The following ACTR3B variants were observed in gnomAD, a reference collection of about 807,000 sequenced individuals.
ACTR3B encodes actin-related protein 3B.
In ACTR3B, 8 loss-of-function variants were observed where a neutral mutation model predicts 59.0. The observed-to-expected ratio is 0.14, with a 90% CI of 0.08 to 0.24. The LOEUF is 0.24. Among genes scored for constraint, ACTR3B ranks in the 10% least tolerant of loss-of-function variants. The probability of loss-of-function intolerance (pLI) is 1.00; values close to 1 mark genes in which losing one functional copy is unlikely to be tolerated. For synonymous variants in ACTR3B, 148 were observed against 197.9 expected, an observed-to-expected ratio of 0.75 and a Z score of 2.12; for missense variants, 245 against 552.3, an observed-to-expected ratio of 0.44 and a Z score of 5.58.
chr7:152,768,701 C>G (rs1177156993), intron 1 of ACTR3B, among the ~76,000 whole-genome samples: 33 of 152,026 alleles, frequency 2.2e-4, no homozygotes, highest in Non-Finnish European at 4.0e-4. Context: ...GTCTCGAACC[C>G]CTGACCTCAG....
intron 1 of ACTR3B, among the ~76,000 whole-genome samples, chr7:152,764,356 G>A (rs1249398800): frequency 3.3e-5 from 5 of 152,024 alleles, no homozygotes; most frequent in Non-Finnish European, 7.4e-5. Context: ...CTGGCCAGGC[G>A]CAGTGGCTCA....
intron 9 of ACTR3B, among the ~76,000 whole-genome samples, chr7:152,830,774 C>CTTA (rs1366315426): frequency 6.6e-6 from 1 of 152,062 alleles, no homozygotes; most frequent in Admixed American, 6.5e-5. Context: ...TGGTCTTAAA[C>CTTA]GCCTGGCCTC....
At chr7:152,851,573 C>G (rs1798807512) in intron 9 of ACTR3B, among the ~76,000 whole-genome samples, 1 of 152,158 alleles carries the variant, frequency 6.6e-6, no homozygotes, top group Non-Finnish European at 1.5e-5. Flanking sequence ...CGAGTGCTTC[C>G]CCTTCCTCAG....
chr7:152,809,091 G>A (rs904847758), intron 4 of ACTR3B, among the ~76,000 whole-genome samples: 3 of 151,392 alleles, frequency 2.0e-5, no homozygotes, highest in Admixed American at 6.6e-5. Context: ...TCCTCAGCCC[G>A]AGTAGGCGCA....
intron 1 of ACTR3B, among the ~76,000 whole-genome samples, chr7:152,774,813 G>T (rs2098132614): frequency 2.0e-5 from 3 of 152,074 alleles, no homozygotes; most frequent in Admixed American, 1.3e-4. Flanking sequence ...AAGCCAAGGA[G>T]CATTAAAAAA....
chr7:152,853,591 TC>T lies in ACTR3B; in HGVS notation c.1161+15del. On this transcript the variant is annotated intron_variant, in intron 11 of 11. Coordinates refer to ENST00000256001, the MANE Select transcript of ACTR3B (RefSeq NM_020445.6). ...CTGGCCTCGACTGTAAGTCCCTCTC[TC>T]GAGGGCTCTGTGTCTCCATTCCTGT... 1 of 1,608,484 alleles carries T rather than the reference TC, an allele frequency of 6.2e-7. No individual in the cohort carries two copies. Among genetic ancestry groups the T allele is most frequent in the African/African-American group, 1.3e-5 (1 of 74,900 alleles).
At chr7:152,786,455 A>C (rs1412811407) in intron 2 of ACTR3B, 3 of 194,430 alleles carry the variant, frequency 1.5e-5, no homozygotes, top group South Asian at 1.2e-4. Context: ...CGTGAGGCTG[A>C]GGCAGGAGAC....
At chr7:152,830,593 C>T (rs999339782) in intron 9 of ACTR3B, among the ~76,000 whole-genome samples, 17 of 152,164 alleles carry the variant, frequency 1.1e-4, no homozygotes, top group African/African-American at 4.1e-4. Context: ...CTGTCGCCCA[C>T]GCTGAAGTGC....
chr7:152,782,247 A>AAAT (rs2098156451), intron 1 of ACTR3B, among the ~76,000 whole-genome samples: 1 of 148,370 alleles, frequency 6.7e-6, no homozygotes, highest in Admixed American at 6.7e-5. Context: ...AGCAGTGTTG[A>AAAT]AATAATAATA....
chr7:152,853,392 G>A (rs1563162982), intron 10 of ACTR3B, 102 bp from the exon 11 acceptor site: 5 of 981,850 alleles, frequency 5.1e-6, no homozygotes, highest in Non-Finnish European at 7.9e-6. Context: ...TGCCATAAGA[G>A]GAGGGCGGCC....
chr7:152,778,943 C>T (rs1432574277), intron 1 of ACTR3B, among the ~76,000 whole-genome samples: 1 of 36,798 alleles, frequency 2.7e-5, no homozygotes, highest in South Asian at 1.2e-3. Flanking sequence ...ACTGTGTCTC[C>T]AAAAAAAAAA....
intron 9 of ACTR3B, among the ~76,000 whole-genome samples, chr7:152,845,444 C>T (rs1798193718): frequency 2.0e-5 from 3 of 152,248 alleles, no homozygotes; most frequent in East Asian, 1.9e-4. Context: ...AGTTCACTGT[C>T]TGTGGCCACG....
At position 152,829,044 on chromosome 7, in the gene ACTR3B, G is replaced by GTA. The variant is rs749504905; in HGVS notation, c.951+3935_951+3936dup. On this transcript the variant is annotated intron_variant, in intron 9 of 11. Transcript: ENST00000256001. ...TGACAAGTAAAAATTGTGTGTGTGT[G>GTA]TATATATATATATACACACACACAC... Among the ~76,000 whole-genome samples the GTA allele has an allele frequency of 7.9e-4, 114 of 143,910 alleles. 2 individuals are homozygous for GTA. Among genetic ancestry groups the GTA allele is most frequent in the South Asian group, 1.6e-3 (7 of 4,374 alleles). The allele number at this position is 143,910 out of a possible 152,430, so 94.4% of individuals were successfully genotyped here.
chr7:152,852,937 G>A (rs543342259), intron 10 of ACTR3B, among the ~76,000 whole-genome samples: 128 of 152,144 alleles, frequency 8.4e-4, no homozygotes, highest in African/African-American at 2.9e-3. Flanking sequence ...GACTACAGGT[G>A]CCCGCCACCA....
At chr7:152,767,216 A>G (rs1590192843) in intron 1 of ACTR3B, among the ~76,000 whole-genome samples, 1 of 151,856 alleles carries the variant, frequency 6.6e-6, no homozygotes, top group South Asian at 2.1e-4. Flanking sequence ...GTGTGTGGCT[A>G]TGGCTGTCCT....
At chr7:152,853,294 C>T (rs554319112) in intron 10 of ACTR3B, among the ~76,000 whole-genome samples, 200 bp from the exon 11 acceptor site, 11 of 151,826 alleles carry the variant, frequency 7.2e-5, no homozygotes, top group East Asian at 3.9e-4. Context: ...TTCCTTTGAG[C>T]GCTGGGGGCT....
At chr7:152,760,147 G>A (rs1442361674) in intron 1 of ACTR3B, among the ~76,000 whole-genome samples, 2 of 152,198 alleles carry the variant, frequency 1.3e-5, no homozygotes, top group African/African-American at 4.8e-5. Context: ...GAAAAGCACG[G>A]AGGGTAGGGA....
chr7:152,836,123 C>T (rs1053449524), intron 9 of ACTR3B, among the ~76,000 whole-genome samples: 14 of 149,316 alleles, frequency 9.4e-5, no homozygotes, highest in African/African-American at 2.7e-4. Context: ...GGCCGGAGGG[C>T]GGGGGTACAG....
chr7:152,846,370 C>A (rs1172894274), intron 9 of ACTR3B, among the ~76,000 whole-genome samples: 3 of 139,948 alleles, frequency 2.1e-5, no homozygotes, highest in African/African-American at 8.1e-5. Context: ...AGTGCCCGGG[C>A]TGTAGTCTGT....
Sources: gnomAD v4.1 joint callset for allele counts (sites outside exome capture counted in the v4.1 genomes callset) on GRCh38, gnomAD v4.1.1 for gene constraint, MANE v1.5 for transcripts, NCBI Gene and HGNC (gene_info 2026-07-23, HGNC 2026-07-21) for gene names.